The following TNKS variants were observed in gnomAD, a reference collection of about 807,000 sequenced individuals.
TNKS encodes tankyrase.
TNKS carries 72 observed loss-of-function variants against 135.8 expected under a neutral mutation model. That is an observed-to-expected ratio of 0.53 (90% CI 0.44 to 0.64). The LOEUF (loss-of-function observed/expected upper bound fraction) is 0.64, where lower values mean the gene tolerates loss of function less well. TNKS is among the 30% of genes least tolerant of loss of function. TNKS has a pLI of 0.00. For synonymous variants in TNKS, 849 were observed against 649.3 expected (o/e 1.31, Z -4.68); for missense variants, 1,769 against 1,674.0 (o/e 1.06, Z -0.99).
At chr8:9,655,266 C>T (rs1426552649) in intron 3 of TNKS, among the ~76,000 whole-genome samples, 2 of 152,230 alleles carry the variant, frequency 1.3e-5, no homozygotes, top group East Asian at 1.9e-4. Context: ...GGGTGGAGCC[C>T]ACCGCAGCTC....
At chr8:9,661,106 A>G (rs556301893) in intron 3 of TNKS, among the ~76,000 whole-genome samples, 69 of 152,176 alleles carry the variant, frequency 4.5e-4, no homozygotes, top group African/African-American at 1.6e-3. Flanking sequence ...ATGGAAGAAC[A>G]TTCCATGCTC....
intron 8 of TNKS, among the ~76,000 whole-genome samples, chr8:9,707,436 C>G (rs1459366843): frequency 6.6e-6 from 1 of 152,142 alleles, no homozygotes; most frequent in African/African-American, 2.4e-5. Flanking sequence ...GTGCCATTGA[C>G]AGTGACAGGT....
chr8:9,779,273 G>A lies in TNKS; in HGVS notation c.*2537G>A, dbSNP rs114815446. ...ACATTTGGGATTTTCATCTGTAGCC[G>A]TATGAAGAACCCTTTCCAATATAAA... On this transcript the variant is annotated 3_prime_UTR_variant, in exon 27 of 27. Coordinates refer to ENST00000310430, the MANE Select transcript of TNKS (RefSeq NM_003747.3). The A allele has an allele frequency of 0.018, 2,672 of 152,654 alleles. 46 individuals carry two copies. The highest frequency in any genetic ancestry group is 0.046 in the African/African-American group (1,895 of 41,520). 9.5% of individuals were successfully genotyped at this position (152,654 alleles called of 1,614,324 possible). A position where few individuals can be genotyped will look rare whatever the true frequency, so the allele number is the denominator to read the frequency against.
rs73523208 is a variant in TNKS, at chr8:9,621,414, C to G, written c.994+5737C>G. 7.9e-3 allele frequency among the ~76,000 whole-genome samples: 1,198 copies of G among 151,762 alleles called. 13 individuals are homozygous for G. The highest frequency in any genetic ancestry group is 0.027 in the African/African-American group (1,117 of 41,338). On this transcript the variant is annotated intron_variant, in intron 3 of 26. Transcript: ENST00000310430. ...CCACCTCCTGGGTTCAAGCGATTCT[C>G]CTGCCTCTCAGTCTCCCAAGTAGCT...
intron 2 of TNKS, among the ~76,000 whole-genome samples, chr8:9,588,486 C>T (rs574051730): frequency 3.9e-5 from 6 of 152,296 alleles, no homozygotes; most frequent in African/African-American, 1.4e-4. Flanking sequence ...CCATGTTAGC[C>T]AGGATGGTCT....
At chr8:9,775,469 ATATATAT>A (rs1269331982) in intron 26 of TNKS, among the ~76,000 whole-genome samples, 2 of 25,786 alleles carry the variant, frequency 7.8e-5, no homozygotes, top group African/African-American at 4.6e-4. Flanking sequence ...CTATATATAT[ATATATAT>A]ATATATATAT....
At chr8:9,648,862 G>A (rs1801020452) in intron 3 of TNKS, among the ~76,000 whole-genome samples, 1 of 151,910 alleles carries the variant, frequency 6.6e-6, no homozygotes, top group Admixed American at 6.5e-5. Context: ...AAACACCATT[G>A]CGATGACAGA....
intron 1 of TNKS, among the ~76,000 whole-genome samples, chr8:9,563,331 ATTTTTC>A (rs1797408960): frequency 6.6e-6 from 1 of 151,532 alleles, no homozygotes; most frequent in Non-Finnish European, 1.5e-5. Flanking sequence ...TTCATCTTCT[ATTTTTC>A]TTAAGGCAGG....
intron 3 of TNKS, among the ~76,000 whole-genome samples, chr8:9,661,459 G>GACAAA (rs1801705956): frequency 6.6e-6 from 1 of 151,828 alleles, no homozygotes; most frequent in African/African-American, 2.4e-5. Flanking sequence ...TTTTTGACAA[G>GACAAA]CCTGACAAAA....
chr8:9,578,475 C>T (rs537295338), intron 1 of TNKS, among the ~76,000 whole-genome samples: 3 of 152,290 alleles, frequency 2.0e-5, no homozygotes, highest in South Asian at 4.1e-4. Context: ...CTAAAATTAT[C>T]AGCTTAATTT....
At chr8:9,697,288 A>G (rs995648606) in intron 5 of TNKS, among the ~76,000 whole-genome samples, 3 of 152,196 alleles carry the variant, frequency 2.0e-5, no homozygotes, top group African/African-American at 4.8e-5. Flanking sequence ...TTCCTCATAT[A>G]CAAAAGTTAA....
chr8:9,624,028 A>G (rs1799964042), intron 3 of TNKS, among the ~76,000 whole-genome samples: 1 of 151,426 alleles, frequency 6.6e-6, no homozygotes, highest in Admixed American at 6.6e-5. Context: ...AACAACAACA[A>G]CAACAACAAC....
chr8:9,566,055 A>G (rs538386178), intron 1 of TNKS, among the ~76,000 whole-genome samples: 8 of 152,102 alleles, frequency 5.3e-5, no homozygotes, highest in Non-Finnish European at 8.8e-5. Context: ...ATACTCATCA[A>G]CCGTAGAAAC....
chr8:9,721,732 T>C (rs1804890348), intron 12 of TNKS, among the ~76,000 whole-genome samples: 1 of 152,070 alleles, frequency 6.6e-6, no homozygotes, highest in Non-Finnish European at 1.5e-5. Flanking sequence ...CCTAACTGTA[T>C]AGGTACCTTT....
chr8:9,566,337 GCCT>G lies in TNKS; in HGVS notation c.673+9732_673+9734del, dbSNP rs576398444. 8 of 152,120 alleles carry G rather than the reference GCCT, an allele frequency of 5.3e-5. No individual in the cohort carries two copies. In the South Asian group the frequency reaches 1.7e-3, roughly 32 times the overall value. 9.4% of individuals were successfully genotyped at this position (152,120 alleles called of 1,614,324 possible). ...TTGAGCAAGCTATCAAAAGTTGTCT[GCCT>G]CCTCCTTCTCCCCAGCCCCAAAATA... is the stretch of plus-strand genomic sequence containing the variant. On this transcript the variant is annotated intron_variant, in intron 1 of 26. Coordinates refer to ENST00000310430, the MANE Select transcript of TNKS (RefSeq NM_003747.3).
chr8:9,771,239 A>G (rs774623926), intron 26 of TNKS, among the ~76,000 whole-genome samples: 7 of 118,412 alleles, frequency 5.9e-5, no homozygotes, highest in Non-Finnish European at 9.0e-5. Flanking sequence ...GAGAGCGAGG[A>G]AAGGAGGGAG....
In TNKS at chr8:9,709,992, A is replaced by G; in HGVS notation, c.1616A>G (p.Gln539Arg). 6.2e-7 allele frequency: 1 copy of G among 1,614,084 alleles called. No homozygotes were observed. The highest frequency in any genetic ancestry group is 8.5e-7 in the Non-Finnish European group (1 of 1,180,008). Reference protein sequence around the residue: ...AVASLHPKRKQVTELLLRKGA... With the variant: ...AVASLHPKRKRVTELLLRKGA... ...GCCTCTCTGCATCCCAAACGTAAAC[A>G]AGTGACAGAATTGTTACTTAGAAAA... Residue 539 changes from glutamine (Q) to arginine (R), a missense_variant, in exon 10 of 27, where the codon CAA (glutamine) becomes CGA (arginine). By Grantham distance (43) the Gln-to-Arg change is conservative. Coordinates refer to ENST00000310430, the MANE Select transcript of TNKS (RefSeq NM_003747.3).
At chr8:9,595,711 A>G (rs940841549) in intron 2 of TNKS, among the ~76,000 whole-genome samples, 1 of 152,110 alleles carries the variant, frequency 6.6e-6, no homozygotes, top group Non-Finnish European at 1.5e-5. Context: ...ATTTTCATAT[A>G]CTTTTTTACA....
chr8:9,757,176 C>G (rs1304242065), intron 20 of TNKS, among the ~76,000 whole-genome samples: 1 of 152,022 alleles, frequency 6.6e-6, no homozygotes, highest in African/African-American at 2.4e-5. Context: ...GGGGTTTCAC[C>G]ATGTTGGTCA....
Sources: gnomAD v4.1 joint callset for allele counts (sites outside exome capture counted in the v4.1 genomes callset) on GRCh38, gnomAD v4.1.1 for gene constraint, MANE v1.5 for transcripts, NCBI Gene and HGNC (gene_info 2026-07-23, HGNC 2026-07-21) for gene names.